Variants in PTPRD observed in about 807,000 individuals in gnomAD.
PTPRD encodes protein tyrosine phosphatase receptor type D, also known as receptor-type tyrosine-protein phosphatase delta.
In PTPRD, 34 loss-of-function variants were observed where a neutral mutation model predicts 214.5. That is an observed-to-expected ratio of 0.16 (90% CI 0.12 to 0.21). The LOEUF (loss-of-function observed/expected upper bound fraction) is 0.21. PTPRD is among the 10% of genes least tolerant of loss of function. The probability of loss-of-function intolerance (pLI) is 1.00; values close to 1 mark genes in which losing one functional copy is unlikely to be tolerated. For missense variants in PTPRD, 2,545 were observed against 2,398.7 expected (o/e 1.06, Z -1.27); for synonymous variants, 1,128 against 845.7 (o/e 1.33, Z -5.79).
At chr9:10,251,942 ATGTAT>A (rs1013569783) in intron 3 of PTPRD, among the ~76,000 whole-genome samples, 17 of 152,282 alleles carry the variant, frequency 1.1e-4, no homozygotes, top group African/African-American at 3.6e-4. Flanking sequence ...ATTAATAATA[ATGTAT>A]TGTATATTTC....
At chr9:10,363,175 G>A (rs1421954071) in intron 2 of PTPRD, among the ~76,000 whole-genome samples, 3 of 152,066 alleles carry the variant, frequency 2.0e-5, no homozygotes, top group African/African-American at 4.8e-5. Context: ...TGTGAATCTT[G>A]TTAAAATGCA....
At chr9:9,059,314 C>G (rs1194631193) in intron 10 of PTPRD, among the ~76,000 whole-genome samples, 2 of 152,102 alleles carry the variant, frequency 1.3e-5, no homozygotes, top group African/African-American at 2.4e-5. Flanking sequence ...TAATATGGCT[C>G]AGACCAGATA....
intron 9 of PTPRD, 86 bp downstream of exon 9, chr9:9,397,363 A>T (rs1168504559): frequency 1.3e-5 from 2 of 152,558 alleles, no homozygotes; most frequent in East Asian, 3.9e-4. Flanking sequence ...AATTTTAACC[A>T]AAGGTTTTAT....
intron 5 of PTPRD, among the ~76,000 whole-genome samples, chr9:9,919,660 G>C (rs2081989713): frequency 6.6e-6 from 1 of 152,100 alleles, no homozygotes; most frequent in South Asian, 2.1e-4. Flanking sequence ...CTATATTGCA[G>C]CTTAATGATT....
intron 10 of PTPRD, among the ~76,000 whole-genome samples, chr9:9,119,804 G>C (rs1591943012): frequency 6.6e-6 from 1 of 151,738 alleles, no homozygotes. Context: ...GATTACAGGA[G>C]TAAGCCACCA....
At chr9:9,295,630 T>C (rs1952739891) in intron 9 of PTPRD, among the ~76,000 whole-genome samples, 1 of 151,776 alleles carries the variant, frequency 6.6e-6, no homozygotes, top group African/African-American at 2.4e-5. Context: ...GGGGAAAAAA[T>C]GACTTTTCTC....
chr9:8,855,148 GTC>G, intron 11 of PTPRD, among the ~76,000 whole-genome samples: 1 of 146,908 alleles, frequency 6.8e-6, no homozygotes, highest in Non-Finnish European at 1.5e-5. Flanking sequence ...TTTTTTTAAT[GTC>G]TCTCTAGGAA....
chr9:8,422,664 A>AT (rs750414968), intron 35 of PTPRD, among the ~76,000 whole-genome samples: 1 of 152,168 alleles, frequency 6.6e-6, no homozygotes, highest in African/African-American at 2.4e-5. Flanking sequence ...TTTATGAAGG[A>AT]TTTTTTAAAG....
intron 4 of PTPRD, among the ~76,000 whole-genome samples, chr9:9,958,084 T>C (rs2094082357): frequency 6.6e-6 from 1 of 152,138 alleles, no homozygotes; most frequent in Non-Finnish European, 1.5e-5. Context: ...TAACTTAAAA[T>C]AGATCAAACA....
intron 11 of PTPRD, among the ~76,000 whole-genome samples, chr9:8,798,290 C>A (rs947427100): frequency 5.3e-4 from 80 of 152,258 alleles, no homozygotes; most frequent in African/African-American, 1.9e-3. Context: ...AAGTCCAGTT[C>A]TCCAGCAACT....
chr9:8,641,627 CTAG>C (rs2096578608), intron 12 of PTPRD, among the ~76,000 whole-genome samples: 1 of 133,326 alleles, frequency 7.5e-6, no homozygotes, highest in African/African-American at 4.1e-5. Context: ...GGCCGATATT[CTAG>C]AATGTGTCTG....
At position 8,865,979 on chromosome 9, in the gene PTPRD, G is replaced by T. The variant is rs114378522; in HGVS notation, c.-103-132033C>A. Among the ~76,000 whole-genome samples, 560 of 152,272 alleles carry T rather than the reference G, an allele frequency of 3.7e-3. 2 individuals are homozygous for T. The highest frequency in any genetic ancestry group is 0.013 in the African/African-American group (537 of 41,560). On this transcript the variant is annotated intron_variant, in intron 11 of 45. Transcript: ENST00000381196. ...AAGTCAAAAGAATTTGATCAGTTCA[G>T]TGGACAAAAAATCCTTTATACTTCT... is the stretch of plus-strand genomic sequence containing the variant.
At chr9:10,418,024 GA>G (rs1368794363) in intron 2 of PTPRD, among the ~76,000 whole-genome samples, 2 of 151,164 alleles carry the variant, frequency 1.3e-5, no homozygotes, top group African/African-American at 2.4e-5. Flanking sequence ...AAAAAAGGAA[GA>G]AAAAATGGGA....
In PTPRD at chr9:10,110,528, G is replaced by T. The variant is rs550765844; in HGVS notation, c.-544-76738C>A. On this transcript the variant is annotated intron_variant, in intron 3 of 45. Transcript: ENST00000381196. The stretch of plus-strand genomic sequence containing the variant: ...ATCACAGAGAGAAAGAATTTGAAAA[G>T]AAAATGAGATGAGAAAGGGGGAAAC... 3.3e-5 allele frequency among the ~76,000 whole-genome samples: 5 copies of T among 152,278 alleles called. No individual in the cohort carries two copies. The South Asian group carries it at 1.0e-3, about 32-fold the overall frequency.
At chr9:9,090,790 C>T (rs2099774380) in intron 10 of PTPRD, 8 of 674,598 alleles carry the variant, frequency 1.2e-5, no homozygotes, top group Non-Finnish European at 1.9e-5. Flanking sequence ...TGAGTTGCTG[C>T]ATTCTTCAAA....
At chr9:9,437,776 TCA>T (rs2085913016) in intron 8 of PTPRD, among the ~76,000 whole-genome samples, 1 of 152,156 alleles carries the variant, frequency 6.6e-6, no homozygotes, top group Non-Finnish European at 1.5e-5. Flanking sequence ...GGTTCAAATT[TCA>T]CAGTTAACCC....
In PTPRD at chr9:8,938,450, C is replaced by G. The variant is rs141060851; in HGVS notation, c.-104+80247G>C. Among the ~76,000 whole-genome samples, 15 of 152,076 alleles carry G rather than the reference C, an allele frequency of 9.9e-5. No homozygotes were observed. In the East Asian group the frequency reaches 2.7e-3, roughly 27 times the overall value. ...TAGCAATCATACGGCCAAAATATAC[C>G]CCATTAATCCGCCTTGCTGGCTCCT... On this transcript the variant is annotated intron_variant, in intron 11 of 45. Transcript: ENST00000381196.
At chr9:10,406,679 C>T (rs1565833121) in intron 2 of PTPRD, among the ~76,000 whole-genome samples, 2 of 151,606 alleles carry the variant, frequency 1.3e-5, no homozygotes, top group Admixed American at 6.6e-5. Context: ...AGAATTTTCA[C>T]TTTTAGCATG....
intron 26 of PTPRD, among the ~76,000 whole-genome samples, chr9:8,495,811 A>ACAAGATTCCCAACAAGAGC (rs1274164077): frequency 6.6e-6 from 1 of 152,208 alleles, no homozygotes; most frequent in African/African-American, 2.4e-5. Flanking sequence ...GCACACAGTT[A>ACAAGATTCCCAACAAGAGC]CAAGATTCCC....
Sources: gnomAD v4.1 joint callset for allele counts (sites outside exome capture counted in the v4.1 genomes callset) on GRCh38, gnomAD v4.1.1 for gene constraint, MANE v1.5 for transcripts, NCBI Gene and HGNC (gene_info 2026-07-23, HGNC 2026-07-21) for gene names.